Variants in PCDHA1 observed in about 807,000 individuals in gnomAD.
PCDHA1 encodes protocadherin alpha-1.
PCDHA1 carries 42 observed loss-of-function variants against 61.3 expected under a neutral mutation model. The ratio of observed to expected loss-of-function variants is 0.69; its 90% CI spans 0.54 to 0.89. The LOEUF is 0.89. Among genes scored for constraint, PCDHA1 ranks in the 40% least tolerant of loss-of-function variants. The probability of loss-of-function intolerance (pLI) is 0.00; values close to 1 mark genes in which losing one functional copy is unlikely to be tolerated. For synonymous variants in PCDHA1, 610 were observed against 553.8 expected (o/e 1.10, Z -1.43); for missense variants, 1,256 against 1,235.3 (o/e 1.02, Z -0.25).
intron 3 of PCDHA1, 22 bp downstream of exon 3, chr5:140,982,585 ATTCT>A: frequency 6.2e-7 from 1 of 1,611,974 alleles, no homozygotes; most frequent in Non-Finnish European, 8.5e-7. Flanking sequence ...GGGTCTCTCC[ATTCT>A]TTCTTGGTTT....
chr5:140,801,868 G>T, intron 1 of PCDHA1: 6 of 1,614,044 alleles, frequency 3.7e-6, no homozygotes, highest in Non-Finnish European at 5.1e-6. Flanking sequence ...GAGCTCACTG[G>T]CACGACTCAA....
chr5:140,823,629 C>T, intron 1 of PCDHA1: 1 of 1,614,064 alleles, frequency 6.2e-7, no homozygotes, highest in Non-Finnish European at 8.5e-7. Flanking sequence ...GCAGTGCGCG[C>T]ATCCCGTTCC....
chr5:140,861,426 T>G (rs1451953787), intron 1 of PCDHA1: 8 of 485,290 alleles, frequency 1.6e-5, no homozygotes, highest in South Asian at 1.1e-4. Flanking sequence ...CCTGTTTCAG[T>G]TGGATTCCAA....
At chr5:140,884,574 T>C (rs1554181755) in intron 1 of PCDHA1, 1 of 1,614,014 alleles carries the variant, frequency 6.2e-7, no homozygotes, top group East Asian at 2.2e-5. Context: ...AAGACGGACC[T>C]CATGGCCTTC....
At chr5:140,870,239 G>C (rs781847723) in intron 1 of PCDHA1, 6 of 1,614,134 alleles carry the variant, frequency 3.7e-6, no homozygotes, top group Non-Finnish European at 4.2e-6. Flanking sequence ...CGTGACTCAG[G>C]TGTCAACGGA....
chr5:140,952,977 C>T (rs148504111), intron 1 of PCDHA1, among the ~76,000 whole-genome samples: 2 of 152,182 alleles, frequency 1.3e-5, no homozygotes, highest in East Asian at 3.9e-4. Context: ...TTTTAAACAA[C>T]AAGATCTCAT....
chr5:141,000,948 G>C (rs1032144041), intron 3 of PCDHA1, among the ~76,000 whole-genome samples: 3 of 151,774 alleles, frequency 2.0e-5, no homozygotes, highest in Non-Finnish European at 1.5e-5. Flanking sequence ...AAATTATCTT[G>C]CTGTAATTTA....
At chr5:140,950,778 G>C (rs537312607) in intron 1 of PCDHA1, among the ~76,000 whole-genome samples, 3 of 152,030 alleles carry the variant, frequency 2.0e-5, no homozygotes, top group Admixed American at 1.3e-4. Flanking sequence ...CATACATATG[G>C]TACTTTTTAA....
intron 1 of PCDHA1, chr5:140,808,895 G>T: frequency 6.2e-7 from 1 of 1,613,490 alleles, no homozygotes; most frequent in South Asian, 1.1e-5. Flanking sequence ...AGCGCCTCGG[G>T]CGGGTGGCAC....
chr5:140,882,771 T>C (rs148644909), intron 1 of PCDHA1: 19 of 1,614,110 alleles, frequency 1.2e-5, no homozygotes, highest in Non-Finnish European at 1.6e-5. Context: ...AACTCGGCAT[T>C]GACCTACCGA....
intron 1 of PCDHA1, among the ~76,000 whole-genome samples, chr5:140,886,264 A>G (rs1471846282): frequency 6.6e-6 from 1 of 151,982 alleles, no homozygotes; most frequent in Non-Finnish European, 1.5e-5. Context: ...CTATTTATAG[A>G]TAAAATTTTT....
chr5:140,822,577 G>A lies in PCDHA1; in HGVS notation c.2394+33893G>A, dbSNP rs1554128720. 7.4e-6 allele frequency: 12 copies of A among 1,612,030 alleles called. No homozygotes were observed. Among genetic ancestry groups the A allele is most frequent in the Non-Finnish European group, 1.0e-5 (12 of 1,178,406 alleles). ...AGTTATTAAACTGAACGCCTCAGAT[G>A]CAGATGAGGGCATCAATAAGGAAAT... On this transcript the variant is annotated intron_variant, in intron 1 of 3. Coordinates refer to ENST00000504120, the MANE Select transcript of PCDHA1 (RefSeq NM_018900.4).
At chr5:140,995,946 C>A (rs2097705145) in intron 3 of PCDHA1, among the ~76,000 whole-genome samples, 1 of 152,192 alleles carries the variant, frequency 6.6e-6, no homozygotes, top group South Asian at 2.1e-4. Flanking sequence ...TGACATAATG[C>A]ACGCAAAATG....
chr5:140,823,111 G>T (rs2150122430), intron 1 of PCDHA1: 3 of 1,614,060 alleles, frequency 1.9e-6, no homozygotes, highest in Non-Finnish European at 1.7e-6. Flanking sequence ...GGAAGTGGCC[G>T]ACGTGAACGA....
chr5:140,907,883 G>GTGAA (rs2073669227), intron 1 of PCDHA1, among the ~76,000 whole-genome samples: 1 of 152,110 alleles, frequency 6.6e-6, no homozygotes, highest in Non-Finnish European at 1.5e-5. Flanking sequence ...CACTCACATG[G>GTGAA]GATACAAATA....
intron 1 of PCDHA1, chr5:140,830,370 C>G: frequency 2.5e-6 from 4 of 1,614,132 alleles, no homozygotes; most frequent in Non-Finnish European, 3.4e-6. Context: ...AGGGTGTGCT[C>G]CGGGGAGGGC....
intron 1 of PCDHA1, chr5:140,836,962 C>T: frequency 2.5e-6 from 1 of 398,834 alleles, no homozygotes; most frequent in Non-Finnish European, 4.4e-6. Flanking sequence ...TTTATGTTGG[C>T]TACTCTCCAT....
At chr5:140,803,618 A>C in intron 1 of PCDHA1, 3 of 1,614,038 alleles carry the variant, frequency 1.9e-6, no homozygotes, top group Non-Finnish European at 2.5e-6. Flanking sequence ...TATTCTTTCC[A>C]AAATGTCTTT....
chr5:140,792,357 T>C (rs1761708631), intron 1 of PCDHA1, among the ~76,000 whole-genome samples: 1 of 152,238 alleles, frequency 6.6e-6, no homozygotes, highest in South Asian at 2.1e-4. Context: ...TTGTTACATC[T>C]GCAAAGACCT....
Sources: gnomAD v4.1 joint callset for allele counts (sites outside exome capture counted in the v4.1 genomes callset) on GRCh38, gnomAD v4.1.1 for gene constraint, MANE v1.5 for transcripts, NCBI Gene and HGNC (gene_info 2026-07-23, HGNC 2026-07-21) for gene names.